The following ANKRD6 variants were observed in gnomAD, a reference collection of about 807,000 sequenced individuals.
The protein encoded by ANKRD6 is ankyrin repeat domain-containing protein 6.
ANKRD6 carries 56 observed loss-of-function variants against 82.3 expected under a neutral mutation model. The ratio of observed to expected loss-of-function variants is 0.68; its 90% CI spans 0.55 to 0.85. ANKRD6 has a LOEUF of 0.85. Ranked by LOEUF, ANKRD6 falls within the 40% of genes least tolerant of loss-of-function variation. ANKRD6 has a pLI of 0.00. For synonymous variants in ANKRD6, 347 were observed against 352.1 expected (o/e 0.99, Z 0.16); for missense variants, 852 against 907.6 (o/e 0.94, Z 0.79).
At chr6:89,461,120 G>A (rs564885469) in intron 1 of ANKRD6, among the ~76,000 whole-genome samples, 90 of 152,202 alleles carry the variant, frequency 5.9e-4, no homozygotes, top group African/African-American at 1.7e-3. Flanking sequence ...TGCCATATTG[G>A]CCATGCTAGT....
chr6:89,571,994 T>C (rs1790024073), intron 2 of ANKRD6, among the ~76,000 whole-genome samples: 2 of 152,250 alleles, frequency 1.3e-5, no homozygotes, highest in African/African-American at 4.8e-5. Flanking sequence ...TTTTACCTTT[T>C]TCAGAATGTC....
intron 1 of ANKRD6, among the ~76,000 whole-genome samples, chr6:89,522,989 C>T (rs913830167): frequency 2.0e-5 from 3 of 152,068 alleles, no homozygotes; most frequent in African/African-American, 7.2e-5. Context: ...ACAGGCATTC[C>T]TAGGTGTTGA....
At chr6:89,622,085 A>C in intron 10 of ANKRD6, 59 bp downstream of exon 10, 2 of 1,507,330 alleles carry the variant, frequency 1.3e-6, no homozygotes, top group Non-Finnish European at 1.8e-6. Context: ...GTGGGAAACT[A>C]TCTCCCTGCT....
In ANKRD6 at chr6:89,631,163, C is replaced by T; in HGVS notation, c.*159C>T. ...TGTGCCAGATACATGTTTCCTATGC[C>T]CAGGAAGTTATGAAGACTTCAACAA... On this transcript the variant is annotated 3_prime_UTR_variant, in exon 16 of 16. Coordinates refer to ENST00000339746, the MANE Select transcript of ANKRD6 (RefSeq NM_001242809.2). 1 of 1,299,626 alleles carries T rather than the reference C, an allele frequency of 7.7e-7. No individual in the cohort carries two copies. Among genetic ancestry groups the T allele is most frequent in the Non-Finnish European group, 1.0e-6 (1 of 1,004,128 alleles). The allele number at this position is 1,299,626 out of a possible 1,614,324, so 80.5% of individuals were successfully genotyped here.
chr6:89,574,746 TAG>T (rs1440803031), intron 2 of ANKRD6, among the ~76,000 whole-genome samples: 3 of 152,116 alleles, frequency 2.0e-5, no homozygotes, highest in African/African-American at 7.2e-5. Context: ...AAGTTTCCCT[TAG>T]AAAGTGTCAA....
intron 1 of ANKRD6, among the ~76,000 whole-genome samples, chr6:89,480,809 G>A (rs1327400488): frequency 6.6e-6 from 1 of 150,494 alleles, no homozygotes; most frequent in Non-Finnish European, 1.5e-5. Context: ...GGGCATGGTG[G>A]TGCATGCCTG....
At chr6:89,454,421 T>C (rs1773258469) in intron 1 of ANKRD6, among the ~76,000 whole-genome samples, 2 of 152,208 alleles carry the variant, frequency 1.3e-5, no homozygotes, top group South Asian at 4.1e-4. Flanking sequence ...CCCTGGGAGA[T>C]CAGGAAGCAA....
chr6:89,462,233 A>AAATAATAAAAAT (rs375567283), intron 1 of ANKRD6, among the ~76,000 whole-genome samples: 3,088 of 105,976 alleles, frequency 0.029, 56 homozygotes, highest in East Asian at 0.08. Flanking sequence ...CTCCATCTCA[A>AAATAATAAAAAT]AATAATAATA....
intron 1 of ANKRD6, among the ~76,000 whole-genome samples, chr6:89,522,354 C>T (rs1181824000): frequency 4.6e-5 from 7 of 152,026 alleles, no homozygotes; most frequent in African/African-American, 1.7e-4. Context: ...TTAAGGAGCT[C>T]GACTGCATCT....
chr6:89,481,059 C>T (rs1776751710), intron 1 of ANKRD6, among the ~76,000 whole-genome samples: 1 of 151,808 alleles, frequency 6.6e-6, no homozygotes, highest in Non-Finnish European at 1.5e-5. Flanking sequence ...AAAGATAACC[C>T]ACCATGGTCT....
At chr6:89,468,703 G>A (rs538643792) in intron 1 of ANKRD6, among the ~76,000 whole-genome samples, 11 of 151,450 alleles carry the variant, frequency 7.3e-5, no homozygotes, top group South Asian at 4.2e-4. Flanking sequence ...GGACACCTGC[G>A]GATAGCCCTT....
chr6:89,524,549 T>C (rs1782238062), intron 1 of ANKRD6, among the ~76,000 whole-genome samples: 1 of 152,218 alleles, frequency 6.6e-6, no homozygotes, highest in Non-Finnish European at 1.5e-5. Flanking sequence ...TTCAGTATTT[T>C]ATGTCCAAGT....
chr6:89,454,676 A>G (rs1046887385), intron 1 of ANKRD6, among the ~76,000 whole-genome samples: 1 of 152,236 alleles, frequency 6.6e-6, no homozygotes, highest in South Asian at 2.1e-4. Flanking sequence ...GTTTAACTAA[A>G]CTGGAATTGA....
chr6:89,630,500 G>T lies in ANKRD6; in HGVS notation c.1680G>T (p.Arg560Ser). ...CCGACAGCTCCCCTCCAGTGGTTAG[G>T]CCCAAAGAGAAGGCCCTCAACTCCA... ...AASDSSPPVV[R>S]PKEKALNSTA... is the part of the protein sequence containing the mutation. Residue 560 changes from arginine to serine, a missense_variant, in exon 16 of 16, where the codon AGG becomes AGT. Transcript: ENST00000339746. 1.9e-6 allele frequency: 3 copies of T among 1,614,018 alleles called. No homozygotes were observed. Among genetic ancestry groups the T allele is most frequent in the Non-Finnish European group, 8.5e-7 (1 of 1,179,892 alleles).
At chr6:89,500,816 C>T (rs752601358) in intron 1 of ANKRD6, among the ~76,000 whole-genome samples, 2 of 152,004 alleles carry the variant, frequency 1.3e-5, no homozygotes, top group Non-Finnish European at 2.9e-5. Context: ...GGACTGTGGG[C>T]CGTAGTTTTA....
chr6:89,598,371 T>C (rs1248497929), intron 3 of ANKRD6: 2 of 984,674 alleles, frequency 2.0e-6, no homozygotes, highest in East Asian at 2.3e-4. Flanking sequence ...AAGACAAAAA[T>C]AAGAAAAACC....
At chr6:89,503,134 A>G (rs553688889) in intron 1 of ANKRD6, among the ~76,000 whole-genome samples, 22 of 152,334 alleles carry the variant, frequency 1.4e-4, no homozygotes, top group African/African-American at 5.1e-4. Context: ...GTAATTGGAA[A>G]AAACTACTGA....
At chr6:89,533,740 G>A (rs1018762825) in intron 1 of ANKRD6, among the ~76,000 whole-genome samples, 32 of 151,372 alleles carry the variant, frequency 2.1e-4, no homozygotes, top group African/African-American at 7.5e-4. Context: ...GTGTGTGTGT[G>A]TGTGTGTGTG....
At chr6:89,477,590 C>T (rs1237191565) in intron 1 of ANKRD6, among the ~76,000 whole-genome samples, 3 of 151,550 alleles carry the variant, frequency 2.0e-5, no homozygotes, top group East Asian at 2.0e-4. Context: ...GCTAACATGG[C>T]GAAACCTCAT....
Sources: allele counts gnomAD v4.1 joint callset (sites outside exome capture counted in the v4.1 genomes callset), GRCh38; gene constraint gnomAD v4.1.1; transcripts MANE v1.5; gene names NCBI Gene and HGNC (gene_info 2026-07-23, HGNC 2026-07-21).